CCDC110: variants seen among roughly 807,000 people sequenced by gnomAD.
CCDC110 encodes the protein coiled-coil domain containing 110.
Under a neutral mutation model 77.1 loss-of-function variants are expected in CCDC110, and 70 were observed. The observed-to-expected ratio is 0.91, with a 90% CI of 0.75 to 1.11. CCDC110 has a LOEUF of 1.11. Among genes scored for constraint, CCDC110 ranks in the 50% least tolerant of loss-of-function variants. The pLI, the probability that CCDC110 is intolerant of heterozygous loss-of-function variation, is 0.00. For synonymous variants in CCDC110, 295 were observed against 312.5 expected, an observed-to-expected ratio of 0.94 and a Z score of 0.59; for missense variants, 868 against 942.9, an observed-to-expected ratio of 0.92 and a Z score of 1.04.
Position 185,458,570 on chromosome 4 carries a change from C to A in CCDC110, c.2017G>T (p.Glu673Ter). ...TTTATTTCTTGCAGAAAATTCTCTT[C>A]GGCAGTAGATTGGTAGGTTTGAATA... is the stretch of plus-strand genomic sequence containing the variant. The part of the protein sequence containing the change: ...ENIQTYQSTA[E>*]ENFLQEIKNA... The change falls in exon 6 of 7, where the codon GAA (glutamate) becomes TAA (stop). Residue 673 changes from glutamate (E) to a stop codon, truncating the protein, a stop_gained. Coordinates refer to ENST00000307588, the MANE Select transcript of CCDC110 (RefSeq NM_152775.4). LOFTEE classifies it high-confidence loss of function. 1 of 1,608,052 alleles carries A rather than the reference C, an allele frequency of 6.2e-7. No individual in the cohort carries two copies. The highest frequency in any genetic ancestry group is 8.5e-7 in the Non-Finnish European group (1 of 1,179,448).
At chr4:185,449,748 G>C in intron 6 of CCDC110, 1 of 699,354 alleles carries the variant, frequency 1.4e-6, no homozygotes. Flanking sequence ...GATAGCTCAA[G>C]CAGTTAAAAG....
Position 185,457,818 on chromosome 4 carries a change from AG to A in CCDC110, c.2461+307del, listed in dbSNP as rs943186670. 12 of 1,395,454 alleles carry A rather than the reference AG, an allele frequency of 8.6e-6. 1 individual carries two copies. The highest frequency in any genetic ancestry group is 5.3e-5 in the Admixed American group (2 of 37,914). The allele number at this position is 1,395,454 out of a possible 1,614,324, so 86.4% of individuals were successfully genotyped here. On this transcript the variant is annotated intron_variant, in intron 6 of 6. Transcript: ENST00000307588. ...ATGATACAGTTTACTTGGAATTCCT[AG>A]GGAAAAAAAAAAGAATTCTTTTAAG...
At chr4:185,462,578 C>T (rs2095648336) in intron 4 of CCDC110, 65 bp downstream of exon 4, 2 of 1,234,308 alleles carry the variant, frequency 1.6e-6, no homozygotes, top group African/African-American at 3.0e-5. Flanking sequence ...TAGTGACCAT[C>T]AGCTTAGAAG....
intron 1 of CCDC110, chr4:185,471,470 C>A: frequency 1.9e-6 from 1 of 521,184 alleles, no homozygotes; most frequent in Non-Finnish European, 3.2e-6. Context: ...CGGCAGACCA[C>A]GTAGCCAGCC....
At position 185,458,814 on chromosome 4, in the gene CCDC110, T is replaced by A; in HGVS notation, c.1773A>T (p.Lys591Asn). Residue 591 changes from lysine (K) to asparagine (N), a missense_variant, in exon 6 of 7, where the codon AAA (lysine) becomes AAT (asparagine). Physicochemically the swap from Lys to Asn is moderately conservative, Grantham distance 94. Transcript: ENST00000307588. ...TTTTTTCTTTTAGAAGCTGGTGTGT[T>A]TTTTTCTCTAACATTTCTTTTTCAT... ...IQDEKEMLEKKTHQLLKEKSS... is the reference protein window; with the variant it reads ...IQDEKEMLEKNTHQLLKEKSS... 1 of 1,608,846 alleles carries A rather than the reference T, an allele frequency of 6.2e-7. No homozygotes were observed. Among genetic ancestry groups the A allele is most frequent in the Non-Finnish European group, 8.5e-7 (1 of 1,178,856 alleles).
chr4:185,455,671 G>A (rs2095634986), intron 6 of CCDC110, among the ~76,000 whole-genome samples: 1 of 152,116 alleles, frequency 6.6e-6, no homozygotes. Context: ...ATCACCTGAG[G>A]TCAGGAGTTT....
chr4:185,464,070 A>T (rs762789262), intron 2 of CCDC110, among the ~76,000 whole-genome samples: 8 of 152,184 alleles, frequency 5.3e-5, no homozygotes, highest in Non-Finnish European at 1.2e-4. Context: ...TCTGCATGTT[A>T]GGCTGCTTGC....
rs2095659354 is a variant in CCDC110, at chr4:185,468,059, A to G, written c.115+2886T>C. On this transcript the variant is annotated intron_variant, in intron 2 of 6. Coordinates refer to ENST00000307588, the MANE Select transcript of CCDC110 (RefSeq NM_152775.4). This position sits in a 1 kb window ranked among gnomAD's most constrained non-coding sequence, Gnocchi z 4.5. ...GCTGGGATTACAGGCGTGAGCCACC[A>G]TGCCTGGCCGCAGGTTCTAATACTG... is the stretch of plus-strand genomic sequence containing the variant. Among the ~76,000 whole-genome samples, 2 of 152,306 alleles carry G rather than the reference A, an allele frequency of 1.3e-5. No individual in the cohort carries two copies. The highest frequency in any genetic ancestry group is 2.1e-4 in the South Asian group (1 of 4,824).
intron 5 of CCDC110, 82 bp from the exon 6 acceptor site, chr4:185,460,320 T>A: frequency 1.0e-6 from 1 of 1,003,956 alleles, no homozygotes; most frequent in Non-Finnish European, 1.4e-6. Context: ...TGTGGAGGGT[T>A]TATTTATGTA....
At chr4:185,449,524 A>AG in intron 6 of CCDC110, 1 of 964,118 alleles carries the variant, frequency 1.0e-6, no homozygotes. Context: ...CCCGGTCTTA[A>AG]AAAAAAAAAA....
At chr4:185,447,476 G>A (rs935356547) in intron 6 of CCDC110, among the ~76,000 whole-genome samples, 6 of 152,232 alleles carry the variant, frequency 3.9e-5, no homozygotes, top group South Asian at 4.1e-4. Flanking sequence ...CACCACGCCC[G>A]GCCGATTTTA....
chr4:185,452,972 ACT>A (rs2095631296), intron 6 of CCDC110, among the ~76,000 whole-genome samples: 1 of 151,384 alleles, frequency 6.6e-6, no homozygotes, highest in African/African-American at 2.4e-5. Flanking sequence ...ATTTCTTAAG[ACT>A]CTTTCATTAT....
At chr4:185,471,623 G>C in intron 1 of CCDC110, 51 bp downstream of exon 1, 2 of 1,545,860 alleles carry the variant, frequency 1.3e-6, no homozygotes, top group Non-Finnish European at 1.7e-6. Flanking sequence ...CCCTTCTGCT[G>C]CCCTCCGTTC....
At chr4:185,453,288 TGTAAG>T (rs1175880749) in intron 6 of CCDC110, among the ~76,000 whole-genome samples, 2 of 152,202 alleles carry the variant, frequency 1.3e-5, no homozygotes, top group African/African-American at 2.4e-5. Context: ...GTAAATAAGT[TGTAAG>T]GTAATTTGTT....
intron 6 of CCDC110, chr4:185,457,231 CAG>C (rs762549070): frequency 4.4e-6 from 2 of 455,540 alleles, no homozygotes; most frequent in African/African-American, 2.0e-5. Context: ...TCTTGGAAGA[CAG>C]AGTGTCTCTG....
chr4:185,455,907 A>T (rs1044394411), intron 6 of CCDC110, among the ~76,000 whole-genome samples: 6 of 152,076 alleles, frequency 3.9e-5, no homozygotes, highest in Non-Finnish European at 8.8e-5. Flanking sequence ...TTAATAATAA[A>T]AATTAAAAGA....
intron 6 of CCDC110, among the ~76,000 whole-genome samples, chr4:185,448,109 C>T (rs1158580684): frequency 6.6e-6 from 1 of 151,416 alleles, no homozygotes; most frequent in African/African-American, 2.4e-5. Flanking sequence ...CAACCTCTGC[C>T]TCCCAGGTTC....
At chr4:185,465,172 C>G (rs928123617) in intron 2 of CCDC110, among the ~76,000 whole-genome samples, 1 of 152,184 alleles carries the variant, frequency 6.6e-6, no homozygotes, top group East Asian at 1.9e-4. Context: ...ATGTATTCAG[C>G]CTTCAACTCT....
At chr4:185,447,662 C>T (rs2095617909) in intron 6 of CCDC110, among the ~76,000 whole-genome samples, 1 of 152,146 alleles carries the variant, frequency 6.6e-6, no homozygotes, top group Non-Finnish European at 1.5e-5. Context: ...GTATGCATCT[C>T]ATTAGGAGTA....
Sources: allele counts gnomAD v4.1 joint callset (sites outside exome capture counted in the v4.1 genomes callset), GRCh38; gene constraint gnomAD v4.1.1; non-coding constraint Gnocchi (gnomAD v3.1); transcripts MANE v1.5; gene names NCBI Gene and HGNC (gene_info 2026-07-23, HGNC 2026-07-21).